The following MLLT6 variants were observed in gnomAD, a reference collection of about 807,000 sequenced individuals.
MLLT6 encodes the protein MLLT6, PHD finger containing.
In MLLT6, 22 loss-of-function variants were observed where a neutral mutation model predicts 103.0. The observed-to-expected ratio is 0.21, with a 90% CI of 0.15 to 0.31. MLLT6 has a LOEUF of 0.31. Ranked by LOEUF, MLLT6 falls within the 10% of genes least tolerant of loss-of-function variation. The pLI, the probability that MLLT6 is intolerant of heterozygous loss-of-function variation, is 1.00. For missense variants in MLLT6, 1,199 were observed against 1,441.7 expected (o/e 0.83, Z 2.73); for synonymous variants, 606 against 623.5 (o/e 0.97, Z 0.42).
chr17:38,722,211 C>T lies in MLLT6; in HGVS notation c.2776C>T (p.Pro926Ser). 1 of 1,368,680 alleles carries T rather than the reference C, an allele frequency of 7.3e-7. No individual in the cohort carries two copies. The highest frequency in any genetic ancestry group is 1.5e-5 in the African/African-American group (1 of 65,516). 84.8% of individuals were successfully genotyped at this position (1,368,680 alleles called of 1,614,324 possible). ...QAGGAPTLQLPGCLNSLTEQQ... is the reference protein window; with the variant it reads ...QAGGAPTLQLSGCLNSLTEQQ... Reference sequence around the variant, plus strand: ...TGGCGGGGCCCCCACGCTGCAGCTGCCAGGCTGTCTCAACAGGTGAGGGAG... The same window carrying T: ...TGGCGGGGCCCCCACGCTGCAGCTGTCAGGCTGTCTCAACAGGTGAGGGAG... Residue 926 changes from proline to serine, a missense_variant, in exon 17 of 20, where the codon CCA becomes TCA. Around this residue, in one of 7 missense-constraint regions of MLLT6, gnomAD observed 1,034 missense variants for 1,091.5 expected, o/e 0.95. Transcript: ENST00000621332.
At chr17:38,715,461 C>G (rs1905293875) in intron 8 of MLLT6, 151 bp from the exon 9 acceptor site, 14 of 1,361,200 alleles carry the variant, frequency 1.0e-5, no homozygotes, top group Non-Finnish European at 1.3e-5. Flanking sequence ...CTAGGAGCTC[C>G]TGGCCACTCC....
At chr17:38,720,312 G>GGCCCCCCCCCCCCCCCCCCCCCCCCCCC in intron 14 of MLLT6, 60 bp from the exon 15 acceptor site, 1 of 445,632 alleles carries the variant, frequency 2.2e-6, no homozygotes. Context: ...CCCGCCCCCG[G>GGCCCCCCCCCCCCCCCCCCCCCCCCCCC]TCCCCTGGCC....
At chr17:38,723,741 AC>A (rs1905878562) in intron 18 of MLLT6, among the ~76,000 whole-genome samples, 1 of 148,878 alleles carries the variant, frequency 6.7e-6, no homozygotes, top group African/African-American at 2.5e-5. Context: ...GGAATTGAAA[AC>A]TTTTTTTTTT....
chr17:38,725,649 C>A lies in MLLT6; in HGVS notation c.*51C>A, dbSNP rs375550998. 7.6e-5 allele frequency: 111 copies of A among 1,464,372 alleles called. No homozygotes were observed. The highest frequency in any genetic ancestry group is 1.0e-4 in the Non-Finnish European group (109 of 1,075,950). 90.7% of individuals were successfully genotyped at this position (1,464,372 alleles called of 1,614,324 possible). ...CCCAAGTGGAGGGAACAGATCCTGG[C>A]CTGAGGGGTCCTAGCCTGGAGCAGG... On this transcript the variant is annotated 3_prime_UTR_variant, in exon 20 of 20. Coordinates refer to ENST00000621332, the MANE Select transcript of MLLT6 (RefSeq NM_005937.4).
In MLLT6 at chr17:38,711,949, C is replaced by T. The variant is rs369771793; in HGVS notation, c.655C>T (p.Arg219Trp). The T allele has an allele frequency of 3.4e-5, 55 of 1,609,096 alleles. No homozygotes were observed. The highest frequency in any genetic ancestry group is 4.5e-5 in the East Asian group (2 of 44,516). Residue 219 changes from arginine (R) to tryptophan (W), a missense_variant, in exon 7 of 20, where the codon CGG becomes TGG. This residue lies in a region of MLLT6 where 1,034 missense variants were observed against 1,091.5 expected (regional missense o/e 0.95). Coordinates refer to ENST00000621332, the MANE Select transcript of MLLT6 (RefSeq NM_005937.4). The stretch of plus-strand genomic sequence containing the variant: ...TGGTTTCATCTCTGGGAGGAGAAGC[C>T]GGTCAGCCTCACCATCCACGCAGCA... Reference protein sequence around the residue: ...GSGFISGRRSRSASPSTQQEK... With the variant: ...GSGFISGRRSWSASPSTQQEK...
Position 38,720,512 on chromosome 17 carries a change from G to C in MLLT6, c.2296G>C (p.Ala766Pro), listed in dbSNP as rs1311620371. Residue 766 changes from alanine to proline, a missense_variant, in exon 15 of 20, where the codon GCT (alanine) becomes CCT (proline). By Grantham distance (27) the Ala-to-Pro change is conservative (BLOSUM62 -1). Around this residue, in one of 7 missense-constraint regions of MLLT6, gnomAD observed 1,034 missense variants for 1,091.5 expected, o/e 0.95. Coordinates refer to ENST00000621332, the MANE Select transcript of MLLT6 (RefSeq NM_005937.4). Reference sequence around the variant, plus strand: ...CTCTGTGCCCTTCCCTGCCCTGCCTGCTGCCCTGCCTGCCGCCAACGGCCC... The same window carrying C: ...CTCTGTGCCCTTCCCTGCCCTGCCTCCTGCCCTGCCTGCCGCCAACGGCCC... ...QLSVPFPALP[A>P]ALPAANGPVP... The C allele has an allele frequency of 6.2e-7, 1 of 1,612,110 alleles. No individual in the cohort carries two copies. The highest frequency in any genetic ancestry group is 8.5e-7 in the Non-Finnish European group (1 of 1,179,632).
chr17:38,714,096 A>T (rs1428245788), intron 8 of MLLT6: 3 of 152,260 alleles, frequency 2.0e-5, no homozygotes, highest in Non-Finnish European at 4.4e-5. Context: ...ATGGAGGGGC[A>T]TATGGAGATT....
Position 38,707,467 on chromosome 17 carries a change from T to G in MLLT6, c.190-19T>G. On this transcript the variant is annotated intron_variant, in intron 2 of 19. Coordinates refer to ENST00000621332, the MANE Select transcript of MLLT6 (RefSeq NM_005937.4). The stretch of plus-strand genomic sequence containing the variant: ...AGCTCAGCAGATCCCCCAACCCCTG[T>G]GCACTCTTGCATTGGCAGAGGTGTG... The G allele has an allele frequency of 6.2e-7, 1 of 1,613,844 alleles. No homozygotes were observed. Among genetic ancestry groups the G allele is most frequent in the Non-Finnish European group, 8.5e-7 (1 of 1,179,798 alleles).
Position 38,724,525 on chromosome 17 carries a change from T to C in MLLT6, c.2884-95T>C. 2.3e-6 allele frequency: 2 copies of C among 884,046 alleles called. No homozygotes were observed. Among genetic ancestry groups the C allele is most frequent in the East Asian group, 5.3e-5 (2 of 37,784 alleles). 54.8% of individuals were successfully genotyped at this position (884,046 alleles called of 1,614,324 possible). On this transcript the variant is annotated intron_variant, in intron 18 of 19. Coordinates refer to ENST00000621332, the MANE Select transcript of MLLT6 (RefSeq NM_005937.4). This position sits in a 1 kb window ranked among gnomAD's most constrained non-coding sequence, Gnocchi z 5.4. ...CAGGCCTCTTGCCTCCTGATTCCAG[T>C]GTGATGGGGTGGGGCCTGGCCAGGC...
chr17:38,705,771 G>C, intron 1 of MLLT6, 30 bp downstream of exon 1: 1 of 1,190,060 alleles, frequency 8.4e-7, no homozygotes, highest in Non-Finnish European at 1.1e-6. Context: ...GGGGCGGCGG[G>C]ACCCCGGGGG....
chr17:38,715,386 G>A (rs1905289212), intron 8 of MLLT6: 1 of 565,944 alleles, frequency 1.8e-6, no homozygotes, highest in South Asian at 3.6e-5. Flanking sequence ...CACCTTCTTG[G>A]GTTCAGTGAA....
At chr17:38,717,683 T>C (rs963792368) in intron 11 of MLLT6, 70 bp downstream of exon 11, 57 of 1,544,236 alleles carry the variant, frequency 3.7e-5, no homozygotes, top group Non-Finnish European at 4.5e-5. Context: ...GACCCCAGCC[T>C]TCCATGGGAA....
At chr17:38,706,601 G>T (rs751949993) in intron 1 of MLLT6, 1 of 215,788 alleles carries the variant, frequency 4.6e-6, no homozygotes, top group Admixed American at 5.8e-5. Flanking sequence ...CGTGTTTGAC[G>T]GTCGTGACTG....
At position 38,729,648 on chromosome 17, in the gene MLLT6, G is replaced by C. The variant is rs779693039; in HGVS notation, c.*4050G>C. The C allele has an allele frequency of 8.7e-6, 2 of 229,658 alleles. No individual in the cohort carries two copies. Among genetic ancestry groups the C allele is most frequent in the Non-Finnish European group, 1.7e-5 (2 of 115,762 alleles). The allele number at this position is 229,658 out of a possible 1,614,324, so 14.2% of individuals were successfully genotyped here. On this transcript the variant is annotated 3_prime_UTR_variant, in exon 20 of 20. Coordinates refer to ENST00000621332, the MANE Select transcript of MLLT6 (RefSeq NM_005937.4). The stretch of plus-strand genomic sequence containing the variant: ...ACCTTGATATCCTCAGCCCAAAGGC[G>C]ATGCCCCCCTGCCACCTCCAAGCCT...
chr17:38,712,949 C>T, intron 8 of MLLT6, 160 bp downstream of exon 8: 1 of 757,728 alleles, frequency 1.3e-6, no homozygotes, highest in Non-Finnish European at 2.5e-6. Context: ...ACTCCTTCTT[C>T]CAGCCTAGAA....
chr17:38,709,722 C>G lies in MLLT6; in HGVS notation c.552+147C>G, dbSNP rs923294986. ...CCCTGCCCAAGAGGAGCTCTTCATT[C>G]GATGAGGAATAAAGTACAGCTTCAG... is the stretch of plus-strand genomic sequence containing the variant. On this transcript the variant is annotated intron_variant, in intron 6 of 19. Coordinates refer to ENST00000621332, the MANE Select transcript of MLLT6 (RefSeq NM_005937.4). The surrounding 1 kb of genome is among the most constrained non-coding windows in gnomAD (Gnocchi z 4.3). 5 of 656,102 alleles carry G rather than the reference C, an allele frequency of 7.6e-6. No individual in the cohort carries two copies. Among genetic ancestry groups the G allele is most frequent in the African/African-American group, 7.2e-5 (4 of 55,870 alleles). 40.6% of individuals were successfully genotyped at this position (656,102 alleles called of 1,614,324 possible). A position where few individuals can be genotyped will look rare whatever the true frequency, so the allele number is the denominator to read the frequency against.
Position 38,725,707 on chromosome 17 carries a change from C to G in MLLT6, c.*109C>G, listed in dbSNP as rs977205757. 2.9e-4 allele frequency: 278 copies of G among 961,724 alleles called. No homozygotes were observed. The highest frequency in any genetic ancestry group is 2.8e-4 in the South Asian group (18 of 63,198). 59.6% of individuals were successfully genotyped at this position (961,724 alleles called of 1,614,324 possible). The stretch of plus-strand genomic sequence containing the variant: ...GCCCAGACCCTGGAGAGCCTTGACC[C>G]AGAGCCTGTGCTGAGGTCCAGGGAG... On this transcript the variant is annotated 3_prime_UTR_variant, in exon 20 of 20. Transcript: ENST00000621332.
In MLLT6 at chr17:38,715,639, C is replaced by T; in HGVS notation, c.847C>T (p.His283Tyr). 2 of 1,613,530 alleles carry T rather than the reference C, an allele frequency of 1.2e-6. No individual in the cohort carries two copies. Among genetic ancestry groups the T allele is most frequent in the Admixed American group, 1.7e-5 (1 of 59,978 alleles). ...KVSSSASSSS[H>Y]HEASTQETSE... ...CTCCTCCTCGGCTTCCTCTTCCTCC[C>T]ACCACGAGGCCAGCACGCAGGAGAC... The change falls in exon 9 of 20, where the codon CAC becomes TAC. Residue 283 changes from histidine (H) to tyrosine (Y), a missense_variant. Coordinates refer to ENST00000621332, the MANE Select transcript of MLLT6 (RefSeq NM_005937.4).
Position 38,711,902 on chromosome 17 carries a change from G to A in MLLT6, c.608G>A (p.Gly203Asp), listed in dbSNP as rs1313322434. 2 of 1,606,014 alleles carry A rather than the reference G, an allele frequency of 1.2e-6. No individual in the cohort carries two copies. The highest frequency in any genetic ancestry group is 1.7e-6 in the Non-Finnish European group (2 of 1,175,896). ...GGAGGAGGCGCTGGAGGAGGAGGTG[G>A]CAGCATGGGGGGAGGTGGCAGTGGT... ...GGGGGAGGGG[G>D]SMGGGGSGFI... Residue 203 changes from glycine (G) to aspartate (D), a missense_variant, in exon 7 of 20, where the codon GGC becomes GAC. Gly to Asp is a moderately conservative substitution (Grantham distance 94, BLOSUM62 -1). Transcript: ENST00000621332.
Sources: allele counts gnomAD v4.1 joint callset (sites outside exome capture counted in the v4.1 genomes callset), GRCh38; gene constraint gnomAD v4.1.1; regional missense constraint gnomAD v4.1.1; non-coding constraint Gnocchi (gnomAD v3.1); transcripts MANE v1.5; gene names NCBI Gene and HGNC (gene_info 2026-07-23, HGNC 2026-07-21).